Variants in PXDNL observed in about 807,000 individuals in gnomAD.
PXDNL encodes the protein peroxidasin like, also known as probable oxidoreductase PXDNL.
In PXDNL, 145 loss-of-function variants were observed where a neutral mutation model predicts 150.8. That is an observed-to-expected ratio of 0.96 (90% CI 0.84 to 1.10). The LOEUF (loss-of-function observed/expected upper bound fraction) is 1.10. Among genes scored for constraint, PXDNL ranks in the 50% least tolerant of loss-of-function variants. The pLI, the probability that PXDNL is intolerant of heterozygous loss-of-function variation, is 0.00. For synonymous variants in PXDNL, 757 were observed against 725.7 expected (o/e 1.04, Z -0.69); for missense variants, 2,087 against 1,873.9 (o/e 1.11, Z -2.10).
At chr8:51,644,409 T>TATACACAC (rs1459834612) in intron 2 of PXDNL, among the ~76,000 whole-genome samples, 5 of 63,924 alleles carry the variant, frequency 7.8e-5, no homozygotes, top group African/African-American at 2.6e-4. Flanking sequence ...TATACACATG[T>TATACACAC]GTGTGTATAT....
chr8:51,680,710 G>A lies in PXDNL; in HGVS notation c.165-25950C>T, dbSNP rs149233169. ...CCCTGCAGCCGGGTGGCCAGACAGCGAGTCTCCCATGTAGGACTACTGCTC... is the reference window on the plus strand; with the variant it reads ...CCCTGCAGCCGGGTGGCCAGACAGCAAGTCTCCCATGTAGGACTACTGCTC... On this transcript the variant is annotated intron_variant, in intron 1 of 22. Coordinates refer to ENST00000356297, the MANE Select transcript of PXDNL (RefSeq NM_144651.5). Among the ~76,000 whole-genome samples the A allele has an allele frequency of 2.4e-4, 37 of 152,240 alleles. No homozygotes were observed. In the East Asian group the frequency reaches 4.7e-3, roughly 19 times the overall value.
intron 1 of PXDNL, among the ~76,000 whole-genome samples, chr8:51,664,300 C>T (rs569381465): frequency 6.6e-6 from 1 of 152,136 alleles, no homozygotes; most frequent in Non-Finnish European, 1.5e-5. Flanking sequence ...CAAAGCATAA[C>T]CTCTTGAATT....
chr8:51,777,581 A>G (rs2037365865), intron 1 of PXDNL, among the ~76,000 whole-genome samples: 1 of 152,246 alleles, frequency 6.6e-6, no homozygotes, highest in South Asian at 2.1e-4. Flanking sequence ...CACAGCCTTC[A>G]TGAAGTCAAC....
intron 17 of PXDNL, among the ~76,000 whole-genome samples, chr8:51,407,226 C>T (rs919816160): frequency 6.6e-6 from 1 of 152,142 alleles, no homozygotes; most frequent in Non-Finnish European, 1.5e-5. Context: ...CACATTTTCA[C>T]AGTTTGAGAT....
intron 4 of PXDNL, among the ~76,000 whole-genome samples, chr8:51,541,053 A>C (rs1407899081): frequency 1.3e-5 from 2 of 151,992 alleles, no homozygotes; most frequent in Non-Finnish European, 2.9e-5. Flanking sequence ...AGGTCAATAG[A>C]TCGAGACCAG....
At chr8:51,574,252 A>G (rs1813005127) in intron 3 of PXDNL, among the ~76,000 whole-genome samples, 1 of 152,060 alleles carries the variant, frequency 6.6e-6, no homozygotes, top group Non-Finnish European at 1.5e-5. Flanking sequence ...TAGAACTGAA[A>G]AATACTTATC....
At chr8:51,788,770 C>A (rs2037482984) in intron 1 of PXDNL, among the ~76,000 whole-genome samples, 1 of 152,168 alleles carries the variant, frequency 6.6e-6, no homozygotes, top group South Asian at 2.1e-4. Flanking sequence ...GGCCTTGGTT[C>A]AGCTTTTCTG....
At chr8:51,365,984 A>C (rs1385669400) in intron 19 of PXDNL, among the ~76,000 whole-genome samples, 1 of 152,202 alleles carries the variant, frequency 6.6e-6, no homozygotes, top group Non-Finnish European at 1.5e-5. Flanking sequence ...CCCCCTGTGA[A>C]CAGTAGATTC....
At chr8:51,632,455 G>A (rs994808630) in intron 2 of PXDNL, among the ~76,000 whole-genome samples, 8 of 152,008 alleles carry the variant, frequency 5.3e-5, no homozygotes, top group African/African-American at 1.9e-4. Flanking sequence ...AAAGAAAAAT[G>A]AGCCAGGCAT....
chr8:51,353,618 A>G (rs900246970), intron 19 of PXDNL, among the ~76,000 whole-genome samples: 6 of 152,154 alleles, frequency 3.9e-5, no homozygotes, highest in African/African-American at 1.4e-4. Context: ...TAGTGTTCCT[A>G]GTGACCTAGC....
chr8:51,651,310 G>A (rs6473633), intron 2 of PXDNL, among the ~76,000 whole-genome samples: 11,114 of 152,204 alleles, frequency 0.073, 1,358 homozygotes, highest in African/African-American at 0.25. Flanking sequence ...AAACGTGAAT[G>A]TGGCAAAATG....
chr8:51,794,039 C>T (rs952532890), intron 1 of PXDNL, among the ~76,000 whole-genome samples: 3 of 151,634 alleles, frequency 2.0e-5, no homozygotes, highest in Non-Finnish European at 2.9e-5. Context: ...TATCATTAAC[C>T]GAATAGACCA....
intron 12 of PXDNL, chr8:51,435,604 G>T: frequency 5.7e-6 from 1 of 175,378 alleles, no homozygotes. Context: ...GAGGCAAGAT[G>T]GCGGCAACCA....
At chr8:51,464,370 A>AATTTTTATAAGTAAAATAACCAAAATCG (rs1810156261) in intron 8 of PXDNL, among the ~76,000 whole-genome samples, 1 of 728 alleles carries the variant, frequency 1.4e-3, no homozygotes, top group Non-Finnish European at 0.01. Context: ...TCTCTAAATC[A>AATTTTTATAAGTAAAATAACCAAAATCG]GAGCAGAACT....
chr8:51,582,937 A>G (rs959617410), intron 3 of PXDNL, among the ~76,000 whole-genome samples: 2 of 152,204 alleles, frequency 1.3e-5, no homozygotes, highest in Non-Finnish European at 2.9e-5. Context: ...ATTGCAGAAT[A>G]GGATAGTTAC....
chr8:51,590,501 C>A (rs759652937), intron 3 of PXDNL, among the ~76,000 whole-genome samples: 1 of 152,156 alleles, frequency 6.6e-6, no homozygotes, highest in Non-Finnish European at 1.5e-5. Flanking sequence ...GACATGGGGT[C>A]GTGGCCACCT....
intron 1 of PXDNL, among the ~76,000 whole-genome samples, chr8:51,731,727 T>C (rs1323065344): frequency 1.3e-5 from 2 of 152,222 alleles, no homozygotes; most frequent in African/African-American, 4.8e-5. Flanking sequence ...ACCTCAATTC[T>C]TAACTTCTGT....
chr8:51,779,225 C>A (rs1238501966), intron 1 of PXDNL, among the ~76,000 whole-genome samples: 1 of 152,178 alleles, frequency 6.6e-6, no homozygotes, highest in Non-Finnish European at 1.5e-5. Flanking sequence ...AAAACATGCC[C>A]TCCTCCCCTA....
intron 5 of PXDNL, among the ~76,000 whole-genome samples, chr8:51,496,912 T>C (rs1049256731): frequency 6.6e-6 from 1 of 152,160 alleles, no homozygotes; most frequent in Admixed American, 6.5e-5. Flanking sequence ...AATGACTTTC[T>C]TCACAGAATT....
Sources: allele counts gnomAD v4.1 joint callset (sites outside exome capture counted in the v4.1 genomes callset), GRCh38; gene constraint gnomAD v4.1.1; transcripts MANE v1.5; gene names NCBI Gene and HGNC (gene_info 2026-07-23, HGNC 2026-07-21).